Variants in ITGA6 observed in about 807,000 individuals in gnomAD.
The protein encoded by ITGA6 is integrin subunit alpha 6, also known as integrin alpha-6.
A neutral mutation model predicts 133.6 loss-of-function variants in ITGA6; 63 were observed. The ratio of observed to expected loss-of-function variants is 0.47; its 90% confidence interval spans 0.38 to 0.58. ITGA6 has a LOEUF of 0.58. Among genes scored for constraint, ITGA6 ranks in the 20% least tolerant of loss-of-function variants. ITGA6 has a pLI of 0.00. For missense variants in ITGA6, 1,068 were observed against 1,309.4 expected (o/e 0.82, Z 2.85); for synonymous variants, 434 against 482.0 (o/e 0.90, Z 1.30).
intron 25 of ITGA6, 150 bp downstream of exon 25, chr2:172,502,051 T>G: frequency 1.4e-6 from 1 of 707,642 alleles, no homozygotes; most frequent in Non-Finnish European, 2.3e-6. Flanking sequence ...TTGTTTTATT[T>G]TATTTCACTT....
At chr2:172,431,673 G>C (rs1294087639) in intron 1 of ITGA6, among the ~76,000 whole-genome samples, 1 of 152,176 alleles carries the variant, frequency 6.6e-6, no homozygotes, top group Non-Finnish European at 1.5e-5. Flanking sequence ...ATGTGGCCCA[G>C]GGCCATCTTC....
At chr2:172,441,970 G>A (rs909791225) in intron 1 of ITGA6, among the ~76,000 whole-genome samples, 14 of 152,242 alleles carry the variant, frequency 9.2e-5, no homozygotes, top group Non-Finnish European at 1.9e-4. Flanking sequence ...GCTTAAGTAC[G>A]TCGGTTCGTG....
chr2:172,443,828 C>T (rs1393555826), intron 1 of ITGA6, among the ~76,000 whole-genome samples: 2 of 152,202 alleles, frequency 1.3e-5, no homozygotes, highest in African/African-American at 4.8e-5. Context: ...GGCTGGAGTA[C>T]GAGTGGTGCA....
At chr2:172,467,647 G>A in intron 3 of ITGA6, 87 bp downstream of exon 3, 1 of 1,040,812 alleles carries the variant, frequency 9.6e-7, no homozygotes, top group Non-Finnish European at 1.5e-6. Context: ...ACAGCAGGGA[G>A]CATACATTCT....
chr2:172,465,870 C>CT, intron 2 of ITGA6: 1 of 723,956 alleles, frequency 1.4e-6, no homozygotes, highest in Non-Finnish European at 2.3e-6. Flanking sequence ...GCTGCTCCTC[C>CT]TAACCGTGGT....
Position 172,505,432 on chromosome 2 carries a change from GTT to G in ITGA6, c.*1367_*1368del, listed in dbSNP as rs1687518918. 1 of 152,060 alleles carries G rather than the reference GTT, an allele frequency of 6.6e-6. No individual in the cohort carries two copies. Among genetic ancestry groups the G allele is most frequent in the African/African-American group, 2.4e-5 (1 of 41,420 alleles). The allele number at this position is 152,060 out of a possible 1,614,324, so 9.4% of individuals were successfully genotyped here. On this transcript the variant is annotated 3_prime_UTR_variant, in exon 26 of 26. Coordinates refer to ENST00000684293, the MANE Select transcript of ITGA6 (RefSeq NM_000210.4). ...TCAGTGAGTCGATGTTCTATTTTTTGTTTTGTTTCCTCCCCTATCTGTATTCC... is the reference window on the plus strand; with the variant it reads ...TCAGTGAGTCGATGTTCTATTTTTTGTTGTTTCCTCCCCTATCTGTATTCC...
intron 4 of ITGA6, among the ~76,000 whole-genome samples, chr2:172,470,101 TTAA>T (rs1400237341): frequency 6.6e-6 from 1 of 152,214 alleles, no homozygotes; most frequent in Non-Finnish European, 1.5e-5. Context: ...GAGAAATGTA[TTAA>T]TAATAAGTCA....
chr2:172,464,594 T>G (rs763998455), intron 1 of ITGA6: 4 of 152,236 alleles, frequency 2.6e-5, no homozygotes, highest in Non-Finnish European at 5.9e-5. Flanking sequence ...AGTAAAGGTG[T>G]TAGCAAAAGA....
At chr2:172,470,579 T>C (rs529717332) in intron 4 of ITGA6, among the ~76,000 whole-genome samples, 1 of 152,320 alleles carries the variant, frequency 6.6e-6, no homozygotes, top group Admixed American at 6.5e-5. Flanking sequence ...AAGATCAATA[T>C]GTCTCACTTT....
rs143726806 is a variant in ITGA6 at position 172,442,257 on chromosome 2, C to T, written c.182+14287C>T. Among the ~76,000 whole-genome samples the T allele has an allele frequency of 2.9e-3, 438 of 152,290 alleles. 2 individuals are homozygous for T. Among genetic ancestry groups the T allele is most frequent in the Middle Eastern group, 0.01 (3 of 294 alleles). ...CACTGACTCACTCTGCTTGGGTGAA[C>T]CCAGCTCCTCCCGGTAGGAAGTGAT... On this transcript the variant is annotated intron_variant, in intron 1 of 25. Transcript: ENST00000684293.
Position 172,498,381 on chromosome 2 carries a change from T to A in ITGA6, c.3114+281T>A, listed in dbSNP as rs1687216572. On this transcript the variant is annotated intron_variant, in intron 24 of 25. Transcript: ENST00000684293. The stretch of plus-strand genomic sequence containing the variant: ...TAGCAAATAACAAATTTAGATTTTA[T>A]TACTTTAGCATTTTCTTCACCTAAG... Among the ~76,000 whole-genome samples, 4 of 152,246 alleles carry A rather than the reference T, an allele frequency of 2.6e-5. No homozygotes were observed. In the South Asian group the frequency reaches 8.3e-4, roughly 32 times the overall value.
chr2:172,481,187 G>A (rs953650527), intron 11 of ITGA6, among the ~76,000 whole-genome samples: 3 of 152,162 alleles, frequency 2.0e-5, no homozygotes, highest in African/African-American at 7.2e-5. Context: ...GATACTATGA[G>A]GTAATGAGTC....
intron 1 of ITGA6, among the ~76,000 whole-genome samples, chr2:172,433,505 C>T (rs975204540): frequency 6.6e-6 from 1 of 152,186 alleles, no homozygotes; most frequent in African/African-American, 2.4e-5. Context: ...CTAGGCCTTC[C>T]TGCCTTCAGC....
intron 9 of ITGA6, 107 bp downstream of exon 9, chr2:172,476,620 A>G (rs1015467234): frequency 2.7e-6 from 2 of 752,190 alleles, no homozygotes; most frequent in African/African-American, 3.4e-5. Context: ...AAAGGTTTAT[A>G]TGAATTGTGA....
chr2:172,472,679 C>T, intron 5 of ITGA6: 2 of 769,588 alleles, frequency 2.6e-6, no homozygotes, highest in Middle Eastern at 2.4e-4. Flanking sequence ...GCAGTGGTGG[C>T]CTCCTCATCC....
intron 1 of ITGA6, among the ~76,000 whole-genome samples, chr2:172,447,553 C>G (rs1223171179): frequency 6.6e-6 from 1 of 152,312 alleles, no homozygotes; most frequent in African/African-American, 2.4e-5. Context: ...TCTGTACTTA[C>G]AAATTTCTGT....
intron 9 of ITGA6, among the ~76,000 whole-genome samples, chr2:172,477,209 A>G (rs1686215256): frequency 6.6e-6 from 1 of 152,080 alleles, no homozygotes; most frequent in Non-Finnish European, 1.5e-5. Flanking sequence ...TGAAATTGAT[A>G]TATGTGCTTC....
At position 172,498,000 on chromosome 2, in the gene ITGA6, A is replaced by G; in HGVS notation, c.3014A>G (p.Lys1005Arg). ...GTTCGAGTGACTGTGTTTCCCTCAA[A>G]GACTGTAGCTCAGTATTCGGGAGTA... ...TQVRVTVFPS[K>R]TVAQYSGVPW... Residue 1005 changes from lysine to arginine, a missense_variant, in exon 24 of 26, where the codon AAG becomes AGG. This residue lies in a region of ITGA6 where 609 missense variants were observed against 707.2 expected (regional missense o/e 0.86). Coordinates refer to ENST00000684293, the MANE Select transcript of ITGA6 (RefSeq NM_000210.4). The G allele has an allele frequency of 6.2e-7, 1 of 1,613,930 alleles. No individual in the cohort carries two copies. Among genetic ancestry groups the G allele is most frequent in the Non-Finnish European group, 8.5e-7 (1 of 1,179,876 alleles).
chr2:172,431,669 C>T (rs1684110402), intron 1 of ITGA6, among the ~76,000 whole-genome samples: 1 of 152,170 alleles, frequency 6.6e-6, no homozygotes, highest in Admixed American at 6.5e-5. Context: ...TGCCATGTGG[C>T]CCAGGGCCAT....
Sources: gnomAD v4.1 joint callset for allele counts (sites outside exome capture counted in the v4.1 genomes callset) on GRCh38, gnomAD v4.1.1 for gene constraint, gnomAD v4.1.1 regional missense constraint, MANE v1.5 for transcripts, NCBI Gene and HGNC (gene_info 2026-07-23, HGNC 2026-07-21) for gene names.